Variants in THSD4 observed in about 807,000 individuals in gnomAD.
The protein encoded by THSD4 is thrombospondin type 1 domain containing 4.
THSD4 carries 69 observed loss-of-function variants against 119.0 expected under a neutral mutation model. The ratio of observed to expected loss-of-function variants is 0.58; its 90% CI spans 0.48 to 0.71. The LOEUF is 0.71. Ranked by LOEUF, THSD4 falls within the 30% of genes least tolerant of loss-of-function variation. The pLI is 0.00. For synonymous variants in THSD4, 524 were observed against 540.4 expected (o/e 0.97, Z 0.42); for missense variants, 1,393 against 1,391.1 (o/e 1.00, Z -0.02).
intron 14 of THSD4, among the ~76,000 whole-genome samples, chr15:71,750,957 C>G (rs1008677480): frequency 6.6e-6 from 1 of 152,328 alleles, no homozygotes; most frequent in East Asian, 1.9e-4. Context: ...TGACATAGGT[C>G]ACAGCTCTTG....
Position 71,660,664 on chromosome 15 carries a change from C to T in THSD4, c.1287C>T (p.Arg429=), listed in dbSNP as rs1271550381. The T allele has an allele frequency of 7.4e-6, 12 of 1,614,048 alleles. No individual in the cohort carries two copies. The highest frequency in any genetic ancestry group is 3.3e-4 in the Middle Eastern group (2 of 6,084). ...KHALTSLGYH[R]VVEIPEGATK... ...CCCTCACCAGCCTGGGCTACCACCG[C>T]GTCGTGGAGATTCCCGAGGGAGCCA... Residue 429 remains arginine (R), a synonymous_variant, in exon 8 of 18, where the codon CGC becomes CGT. Coordinates refer to ENST00000261862, the MANE Select transcript of THSD4 (RefSeq NM_024817.3).
chr15:71,550,726 GT>G (rs1465192522), intron 7 of THSD4, among the ~76,000 whole-genome samples: 4 of 152,158 alleles, frequency 2.6e-5, no homozygotes, highest in African/African-American at 9.6e-5. Flanking sequence ...AGGCGTGGAT[GT>G]TCTTTAATTT....
At position 71,782,461 on chromosome 15, in the gene THSD4, T is replaced by C. The variant is rs1044179292; in HGVS notation, c.*5087T>C. On this transcript the variant is annotated 3_prime_UTR_variant, in exon 18 of 18. Transcript: ENST00000261862. Reference sequence around the variant, plus strand: ...GTTCTCTGTAAATACAAGATGTTTATAGGAAATATGTATTCTGAACTCTAT... The same window carrying C: ...GTTCTCTGTAAATACAAGATGTTTACAGGAAATATGTATTCTGAACTCTAT... The C allele has an allele frequency of 2.0e-5, 3 of 152,256 alleles. No homozygotes were observed. The highest frequency in any genetic ancestry group is 2.9e-5 in the Non-Finnish European group (2 of 68,052). 9.4% of individuals were successfully genotyped at this position (152,256 alleles called of 1,614,324 possible). A position where few individuals can be genotyped will look rare whatever the true frequency, so the allele number is the denominator to read the frequency against.
At chr15:71,617,730 A>G (rs11853535) in intron 7 of THSD4, among the ~76,000 whole-genome samples, 23,328 of 152,226 alleles carry the variant, frequency 0.15, 1,856 homozygotes, top group East Asian at 0.21. Context: ...CGGAGGTGAA[A>G]CGATGGTCAT....
At chr15:71,151,247 A>G (rs1438666780) in intron 2 of THSD4, among the ~76,000 whole-genome samples, 1 of 152,134 alleles carries the variant, frequency 6.6e-6, no homozygotes, top group African/African-American at 2.4e-5. Context: ...TCCTGCCCCA[A>G]GTCCCCCTGA....
chr15:71,518,596 G>A (rs1232193215), intron 7 of THSD4, among the ~76,000 whole-genome samples: 1 of 152,178 alleles, frequency 6.6e-6, no homozygotes, highest in Non-Finnish European at 1.5e-5. Flanking sequence ...AATTTGTGGA[G>A]CAGTGTGTTA....
At position 71,744,326 on chromosome 15, in the gene THSD4, T is replaced by C. The variant is rs548231830; in HGVS notation, c.1907-780T>C. Reference sequence around the variant, plus strand: ...ACATTCATTCAACACGGTCATTTATTGAGCCCCTGCTACTCTCCTAGGTAC... The same window carrying C: ...ACATTCATTCAACACGGTCATTTATCGAGCCCCTGCTACTCTCCTAGGTAC... On this transcript the variant is annotated intron_variant, in intron 11 of 17. Coordinates refer to ENST00000261862, the MANE Select transcript of THSD4 (RefSeq NM_024817.3). Among the ~76,000 whole-genome samples, 13 of 152,286 alleles carry C rather than the reference T, an allele frequency of 8.5e-5. No homozygotes were observed. The South Asian group carries it at 2.1e-3, about 24-fold the overall frequency.
intron 6 of THSD4, among the ~76,000 whole-genome samples, chr15:71,324,760 C>T (rs894079635): frequency 6.6e-6 from 1 of 152,180 alleles, no homozygotes; most frequent in Non-Finnish European, 1.5e-5. Flanking sequence ...AATTGTGCTG[C>T]AATAAAACAT....
At chr15:71,358,941 C>T (rs2045857639) in intron 6 of THSD4, among the ~76,000 whole-genome samples, 1 of 152,128 alleles carries the variant, frequency 6.6e-6, no homozygotes, top group Non-Finnish European at 1.5e-5. Context: ...TCTGTCCCTC[C>T]CCAGCACACC....
intron 7 of THSD4, among the ~76,000 whole-genome samples, chr15:71,554,262 T>A (rs2048982355): frequency 6.6e-6 from 1 of 151,574 alleles, no homozygotes; most frequent in Non-Finnish European, 1.5e-5. Flanking sequence ...GCTAATTTTT[T>A]TTTTTGTATT....
At chr15:71,528,094 C>T (rs1442794041) in intron 7 of THSD4, among the ~76,000 whole-genome samples, 1 of 152,082 alleles carries the variant, frequency 6.6e-6, no homozygotes, top group East Asian at 1.9e-4. Flanking sequence ...CTGAACAGTG[C>T]CTTGGACTCT....
At chr15:71,534,829 T>A (rs1289715464) in intron 7 of THSD4, among the ~76,000 whole-genome samples, 2 of 152,016 alleles carry the variant, frequency 1.3e-5, no homozygotes, top group East Asian at 3.9e-4. Context: ...ACAACAAAAA[T>A]TAGCCAGGTG....
chr15:71,731,445 C>A (rs1160436157), intron 10 of THSD4: 2 of 530,950 alleles, frequency 3.8e-6, no homozygotes, highest in Admixed American at 3.1e-5. Context: ...GCATGAGCAT[C>A]CTGGGTCTGC....
At chr15:71,158,667 TGTTGA>T (rs1025970383) in intron 3 of THSD4, among the ~76,000 whole-genome samples, 2 of 151,318 alleles carry the variant, frequency 1.3e-5, no homozygotes, top group African/African-American at 4.9e-5. Context: ...TTTTTTTTGA[TGTTGA>T]GTTATTTAAG....
intron 6 of THSD4, among the ~76,000 whole-genome samples, chr15:71,334,340 C>T (rs146999410): frequency 2.0e-5 from 3 of 152,254 alleles, no homozygotes; most frequent in African/African-American, 7.2e-5. Flanking sequence ...AACCGACACT[C>T]GACTACCACA....
chr15:71,151,250 C>G (rs1312774981), intron 2 of THSD4, among the ~76,000 whole-genome samples: 1 of 152,142 alleles, frequency 6.6e-6, no homozygotes, highest in Non-Finnish European at 1.5e-5. Context: ...TGCCCCAAGT[C>G]CCCCTGAATG....
At chr15:71,243,203 G>C (rs1746381549) in intron 5 of THSD4, 107 bp downstream of exon 5, 2 of 1,091,382 alleles carry the variant, frequency 1.8e-6, no homozygotes, top group African/African-American at 3.2e-5. Context: ...TCTGGGCCAT[G>C]TTAACACACC....
At chr15:71,584,937 G>A (rs906832230) in intron 7 of THSD4, among the ~76,000 whole-genome samples, 4 of 152,110 alleles carry the variant, frequency 2.6e-5, no homozygotes, top group African/African-American at 4.8e-5. Flanking sequence ...ATTTTAAGCC[G>A]ATAACAAGCT....
intron 6 of THSD4, among the ~76,000 whole-genome samples, chr15:71,392,642 C>T (rs138565803): frequency 4.8e-4 from 73 of 152,266 alleles, no homozygotes; most frequent in Middle Eastern, 3.4e-3. Flanking sequence ...ACCCTGAGGG[C>T]CTTGGCTATG....
Sources: gnomAD v4.1 joint callset for allele counts (sites outside exome capture counted in the v4.1 genomes callset) on GRCh38, gnomAD v4.1.1 for gene constraint, MANE v1.5 for transcripts, NCBI Gene and HGNC (gene_info 2026-07-23, HGNC 2026-07-21) for gene names.